Variants in CACNA2D3 observed in about 807,000 individuals in gnomAD.
CACNA2D3 encodes the protein calcium voltage-gated channel auxiliary subunit alpha2delta 3.
Under a neutral mutation model 160.6 loss-of-function variants are expected in CACNA2D3, and 60 were observed. That is an observed-to-expected ratio of 0.37 (90% CI 0.30 to 0.46). The LOEUF is 0.46. Among genes scored for constraint, CACNA2D3 ranks in the 20% least tolerant of loss-of-function variants. CACNA2D3 has a pLI of 1.00. For synonymous variants in CACNA2D3, 558 were observed against 492.9 expected, an observed-to-expected ratio of 1.13 and a Z score of -1.75; for missense variants, 1,205 against 1,365.0, an observed-to-expected ratio of 0.88 and a Z score of 1.85.
chr3:54,775,838 A>C (rs2107120320), intron 13 of CACNA2D3, among the ~76,000 whole-genome samples: 1 of 152,322 alleles, frequency 6.6e-6, no homozygotes, highest in Admixed American at 6.5e-5. Context: ...TGGATGGCTC[A>C]GGGGCAGCCC....
chr3:54,377,054 C>T (rs905442871), intron 3 of CACNA2D3, among the ~76,000 whole-genome samples: 2 of 152,194 alleles, frequency 1.3e-5, no homozygotes, highest in African/African-American at 2.4e-5. Context: ...ATAGTTGGGG[C>T]CTGGGGGCAA....
rs187128911 is a variant in CACNA2D3, at chr3:54,470,666, G to A, written c.382-32826G>A. Among the ~76,000 whole-genome samples, 10 of 151,192 alleles carry A rather than the reference G, an allele frequency of 6.6e-5. No individual in the cohort carries two copies. In the East Asian group the frequency reaches 1.8e-3, roughly 27 times the overall value. On this transcript the variant is annotated intron_variant, in intron 4 of 37. Coordinates refer to ENST00000474759, the MANE Select transcript of CACNA2D3 (RefSeq NM_018398.3). ...AATTGGGTAGAGTCAAGACCCTTCA[G>A]TGTGCTGTATTCAAAGGCACCCATA...
Position 54,959,886 on chromosome 3 carries a change from A to G in CACNA2D3, c.2450-8564A>G, listed in dbSNP as rs570447586. 3.3e-5 allele frequency among the ~76,000 whole-genome samples: 5 copies of G among 152,336 alleles called. No individual in the cohort carries two copies. The South Asian group carries it at 1.0e-3, about 32-fold the overall frequency. On this transcript the variant is annotated intron_variant, in intron 27 of 37. Coordinates refer to ENST00000474759, the MANE Select transcript of CACNA2D3 (RefSeq NM_018398.3). ...GCTGAGGGAATATAGGTTTCTTCAG[A>G]TGAAGTCTGGAAAAATGCTTCCAGA...
intron 27 of CACNA2D3, among the ~76,000 whole-genome samples, chr3:54,965,222 A>G (rs1209975240): frequency 2.1e-5 from 3 of 142,180 alleles, no homozygotes; most frequent in Non-Finnish European, 4.7e-5. Flanking sequence ...GGATTTCACC[A>G]TTGGACCAAT....
intron 2 of CACNA2D3, among the ~76,000 whole-genome samples, chr3:54,146,562 C>T (rs1316388563): frequency 6.6e-6 from 1 of 152,168 alleles, no homozygotes; most frequent in Non-Finnish European, 1.5e-5. Context: ...GTGCATGTTA[C>T]CATTCCATGG....
intron 2 of CACNA2D3, among the ~76,000 whole-genome samples, chr3:54,129,744 C>G (rs577545211): frequency 1.3e-5 from 2 of 152,284 alleles, no homozygotes; most frequent in South Asian, 4.1e-4. Flanking sequence ...AAACAGACCT[C>G]GAGTTTTCCA....
At position 54,547,896 on chromosome 3, in the gene CACNA2D3, A is replaced by G. The variant is rs1575516032; in HGVS notation, c.545-14904A>G. ...AAATGCAGACATGGAGTCTTGCTAT[A>G]TTACGCAGGCTGGTCTCAAACTCCT... On this transcript the variant is annotated intron_variant, in intron 5 of 37. Coordinates refer to ENST00000474759, the MANE Select transcript of CACNA2D3 (RefSeq NM_018398.3). 2.0e-5 allele frequency among the ~76,000 whole-genome samples: 3 copies of G among 152,108 alleles called. No homozygotes were observed. The East Asian group carries it at 5.8e-4, about 29-fold the overall frequency.
At chr3:54,843,819 T>C (rs1219980131) in intron 16 of CACNA2D3, among the ~76,000 whole-genome samples, 1 of 152,218 alleles carries the variant, frequency 6.6e-6, no homozygotes, top group Non-Finnish European at 1.5e-5. Context: ...GATTTCATAC[T>C]ACTGATGCTG....
At chr3:54,928,456 G>C (rs971011692) in intron 27 of CACNA2D3, among the ~76,000 whole-genome samples, 2 of 152,176 alleles carry the variant, frequency 1.3e-5, no homozygotes, top group African/African-American at 2.4e-5. Flanking sequence ...TCGAGCAGCA[G>C]AGCCCGCAGA....
chr3:54,997,074 T>A (rs571252370), intron 31 of CACNA2D3, among the ~76,000 whole-genome samples: 12 of 152,206 alleles, frequency 7.9e-5, no homozygotes, highest in African/African-American at 2.9e-4. Context: ...CTAATGTAGA[T>A]GATGGGTTGA....
intron 3 of CACNA2D3, among the ~76,000 whole-genome samples, chr3:54,329,434 A>G (rs1019685650): frequency 1.4e-4 from 22 of 152,168 alleles, no homozygotes; most frequent in African/African-American, 4.8e-4. Context: ...GATAAAGGGG[A>G]AAAGAAAGTA....
intron 14 of CACNA2D3, among the ~76,000 whole-genome samples, chr3:54,819,991 C>G (rs1575494228): frequency 6.6e-6 from 1 of 152,084 alleles, no homozygotes; most frequent in African/African-American, 2.4e-5. Context: ...CTTCCTAATG[C>G]CTTTGACATT....
chr3:54,132,024 A>G (rs1305364400), intron 2 of CACNA2D3, among the ~76,000 whole-genome samples: 18 of 152,254 alleles, frequency 1.2e-4, no homozygotes, highest in African/African-American at 1.9e-4. Flanking sequence ...TACTGGATTC[A>G]GGTAATCTAC....
At chr3:54,567,843 A>G (rs1316041448) in intron 6 of CACNA2D3, among the ~76,000 whole-genome samples, 1 of 152,206 alleles carries the variant, frequency 6.6e-6, no homozygotes, top group African/African-American at 2.4e-5. Flanking sequence ...GATGGTTTGA[A>G]TGTCATTGGC....
intron 13 of CACNA2D3, among the ~76,000 whole-genome samples, chr3:54,793,030 A>G (rs1381294534): frequency 5.3e-5 from 8 of 152,162 alleles, no homozygotes; most frequent in Non-Finnish European, 1.0e-4. Context: ...TTTCTTCTAC[A>G]TCCATGGAGA....
intron 27 of CACNA2D3, among the ~76,000 whole-genome samples, chr3:54,951,101 A>G (rs928657171): frequency 3.3e-5 from 5 of 152,218 alleles, no homozygotes; most frequent in African/African-American, 1.2e-4. Flanking sequence ...GAACGCTCCA[A>G]CTATAATATC....
intron 4 of CACNA2D3, among the ~76,000 whole-genome samples, chr3:54,493,249 TG>T (rs1236279085): frequency 2.0e-5 from 3 of 152,006 alleles, no homozygotes; most frequent in Admixed American, 1.3e-4. Context: ...GGCTAATTTT[TG>T]TATTTTAATA....
At chr3:54,943,251 A>T (rs2106991235) in intron 27 of CACNA2D3, among the ~76,000 whole-genome samples, 1 of 152,166 alleles carries the variant, frequency 6.6e-6, no homozygotes, top group Non-Finnish European at 1.5e-5. Flanking sequence ...AAAAAAGAAA[A>T]AAATCATGCC....
chr3:54,405,339 A>G (rs2106712538), intron 4 of CACNA2D3, among the ~76,000 whole-genome samples: 2 of 152,092 alleles, frequency 1.3e-5, no homozygotes, highest in South Asian at 4.1e-4. Context: ...GAAGCATAAC[A>G]ATCAAAACAA....
Sources: gnomAD v4.1 joint callset for allele counts (sites outside exome capture counted in the v4.1 genomes callset) on GRCh38, gnomAD v4.1.1 for gene constraint, MANE v1.5 for transcripts, NCBI Gene and HGNC (gene_info 2026-07-23, HGNC 2026-07-21) for gene names.